KIF18A: variants seen among roughly 807,000 people sequenced by gnomAD.
The protein encoded by KIF18A is kinesin family member 18A.
KIF18A carries 67 observed loss-of-function variants against 103.3 expected under a neutral mutation model. The ratio of observed to expected loss-of-function variants is 0.65; its 90% CI spans 0.53 to 0.79. KIF18A has a LOEUF of 0.79. Among genes scored for constraint, KIF18A ranks in the 30% least tolerant of loss-of-function variants. The pLI is 0.00. For missense variants in KIF18A, 1,032 were observed against 1,062.5 expected, an observed-to-expected ratio of 0.97 and a Z score of 0.40; for synonymous variants, 367 against 355.5, an observed-to-expected ratio of 1.03 and a Z score of -0.36.
At chr11:28,098,214 T>C (rs1851400644) in intron 1 of KIF18A, among the ~76,000 whole-genome samples, 1 of 151,892 alleles carries the variant, frequency 6.6e-6, no homozygotes, top group Non-Finnish European at 1.5e-5. Flanking sequence ...AAACAAACAA[T>C]TAAATGGCAC....
At chr11:28,071,196 C>T (rs986562499) in intron 10 of KIF18A, among the ~76,000 whole-genome samples, 15 of 152,134 alleles carry the variant, frequency 9.9e-5, no homozygotes, top group African/African-American at 3.4e-4. Flanking sequence ...TTTATAATAT[C>T]AGGAAAATGT....
intron 14 of KIF18A, 86 bp downstream of exon 14, chr11:28,036,131 C>T (rs1850483969): frequency 1.2e-5 from 9 of 778,578 alleles, no homozygotes; most frequent in South Asian, 2.2e-5. Flanking sequence ...ATCAAAATGG[C>T]ACACTTGGTT....
intron 5 of KIF18A, 152 bp from the exon 6 acceptor site, chr11:28,088,873 A>G (rs1354799488): frequency 9.4e-6 from 6 of 640,968 alleles, no homozygotes; most frequent in Admixed American, 8.5e-5. Flanking sequence ...TAAGAGCACT[A>G]TAAGTAATCA....
intron 8 of KIF18A, 68 bp from the exon 9 acceptor site, chr11:28,083,036 T>C: frequency 1.4e-6 from 2 of 1,443,870 alleles, no homozygotes; most frequent in South Asian, 2.6e-5. Flanking sequence ...CAAATTTAGC[T>C]GTAAAAAATA....
rs1252111599 is a variant in KIF18A at position 28,108,080 on chromosome 11, C to T, written c.-63G>A. On this transcript the variant is annotated 5_prime_UTR_variant, in exon 1 of 17. The change creates a new upstream start codon in the 5' untranslated region. Coordinates refer to ENST00000263181, the MANE Select transcript of KIF18A (RefSeq NM_031217.4). ...CAGTTTTACCTTCATGTGCCTCTCA[C>T]TCACTTCAGGCCCAGGCCAGGTTAC... 1 of 152,516 alleles carries T rather than the reference C, an allele frequency of 6.6e-6. No homozygotes were observed. Among genetic ancestry groups the T allele is most frequent in the Non-Finnish European group, 1.5e-5 (1 of 68,272 alleles). The allele number at this position is 152,516 out of a possible 1,614,324, so 9.4% of individuals were successfully genotyped here.
chr11:28,064,277 C>T (rs1850890317), intron 11 of KIF18A, among the ~76,000 whole-genome samples: 1 of 151,872 alleles, frequency 6.6e-6, no homozygotes, highest in African/African-American at 2.4e-5. Flanking sequence ...TAGAGACGGG[C>T]TTAGCCTTGA....
chr11:28,068,159 A>T (rs572417782), intron 11 of KIF18A, among the ~76,000 whole-genome samples: 18 of 152,230 alleles, frequency 1.2e-4, no homozygotes, highest in African/African-American at 4.3e-4. Flanking sequence ...TTCTCAGCAA[A>T]CTAACACAGG....
At chr11:28,041,999 T>C (rs1485534259) in intron 13 of KIF18A, among the ~76,000 whole-genome samples, 1 of 151,694 alleles carries the variant, frequency 6.6e-6, no homozygotes, top group Non-Finnish European at 1.5e-5. Flanking sequence ...TCCTGTCCTC[T>C]ATTCAGGAGT....
chr11:28,095,536 G>A (rs1851357079), intron 2 of KIF18A, among the ~76,000 whole-genome samples: 1 of 152,208 alleles, frequency 6.6e-6, no homozygotes, highest in Non-Finnish European at 1.5e-5. Context: ...CACCAAGGCA[G>A]AGGCCATGTA....
chr11:28,031,450 A>C (rs1026616897), intron 15 of KIF18A, among the ~76,000 whole-genome samples: 2 of 152,108 alleles, frequency 1.3e-5, no homozygotes, highest in Non-Finnish European at 2.9e-5. Context: ...CAAACACCGC[A>C]TGTTCTCACT....
intron 13 of KIF18A, among the ~76,000 whole-genome samples, chr11:28,041,310 A>C (rs1373138275): frequency 6.6e-6 from 1 of 151,888 alleles, no homozygotes; most frequent in Non-Finnish European, 1.5e-5. Context: ...GATGGCTAGA[A>C]TAACAATTCT....
chr11:28,021,514 T>TAC (rs968183606), intron 16 of KIF18A, among the ~76,000 whole-genome samples: 2 of 152,208 alleles, frequency 1.3e-5, no homozygotes, highest in Admixed American at 1.3e-4. Flanking sequence ...TGCGTGCACA[T>TAC]ACACAGACAT....
At chr11:28,061,683 T>C (rs1850857878) in intron 12 of KIF18A, among the ~76,000 whole-genome samples, 1 of 152,124 alleles carries the variant, frequency 6.6e-6, no homozygotes, top group Non-Finnish European at 1.5e-5. Flanking sequence ...ACTAATATGA[T>C]TTCCTCTAAA....
At chr11:28,039,624 T>C (rs1012763977) in intron 13 of KIF18A, among the ~76,000 whole-genome samples, 3 of 151,688 alleles carry the variant, frequency 2.0e-5, no homozygotes, top group Admixed American at 6.6e-5. Context: ...ACTGAAGAAA[T>C]ATCCACGTGT....
chr11:28,094,607 C>T (rs758980396), intron 3 of KIF18A, 36 bp downstream of exon 3: 2 of 1,469,818 alleles, frequency 1.4e-6, no homozygotes, highest in African/African-American at 1.4e-5. Flanking sequence ...TCAATGATTT[C>T]CCAAAACTAT....
At chr11:28,092,326 T>G (rs948547243) in intron 3 of KIF18A, among the ~76,000 whole-genome samples, 1 of 152,130 alleles carries the variant, frequency 6.6e-6, no homozygotes, top group Non-Finnish European at 1.5e-5. Context: ...ATCCTTCAAT[T>G]ACATTAATTT....
chr11:28,073,315 G>A (rs1327569059), intron 10 of KIF18A, among the ~76,000 whole-genome samples: 2 of 151,984 alleles, frequency 1.3e-5, no homozygotes, highest in African/African-American at 2.4e-5. Context: ...AAACTCAGCA[G>A]AGCAAGTCAC....
chr11:28,036,806 G>A, intron 13 of KIF18A, 142 bp from the exon 14 acceptor site: 4 of 507,858 alleles, frequency 7.9e-6, no homozygotes, highest in Non-Finnish European at 1.3e-5. Context: ...AAGTTGGAAA[G>A]GAAAATATCA....
chr11:28,103,163 G>A (rs753640873), intron 1 of KIF18A, among the ~76,000 whole-genome samples: 35 of 152,028 alleles, frequency 2.3e-4, no homozygotes, highest in Non-Finnish European at 3.7e-4. Context: ...TACTTCCAAC[G>A]TGATTATTCA....
Sources: gnomAD v4.1 joint callset for allele counts (sites outside exome capture counted in the v4.1 genomes callset) on GRCh38, gnomAD v4.1.1 for gene constraint, MANE v1.5 for transcripts, NCBI Gene and HGNC (gene_info 2026-07-23, HGNC 2026-07-21) for gene names.